CTNND2: variants seen among roughly 807,000 people sequenced by gnomAD.
The protein encoded by CTNND2 is catenin delta 2.
CTNND2 carries 22 observed loss-of-function variants against 144.4 expected under a neutral mutation model. The ratio of observed to expected loss-of-function variants is 0.15; its 90% CI spans 0.11 to 0.22. The LOEUF (loss-of-function observed/expected upper bound fraction) is 0.22, where lower values mean the gene tolerates loss of function less well. Among genes scored for constraint, CTNND2 ranks in the 10% least tolerant of loss-of-function variants. CTNND2 has a pLI of 1.00. For synonymous variants in CTNND2, 751 were observed against 695.6 expected (o/e 1.08, Z -1.25); for missense variants, 1,353 against 1,618.8 (o/e 0.84, Z 2.82).
chr5:11,556,334 A>G (rs1469350502), intron 3 of CTNND2, among the ~76,000 whole-genome samples: 3 of 152,220 alleles, frequency 2.0e-5, no homozygotes, highest in Non-Finnish European at 2.9e-5. Flanking sequence ...TTATTTAAGC[A>G]AGAATAAATC....
intron 6 of CTNND2, among the ~76,000 whole-genome samples, chr5:11,394,855 C>G (rs32042): frequency 6.6e-6 from 1 of 151,854 alleles, no homozygotes; most frequent in Non-Finnish European, 1.5e-5. Context: ...TTTAAATTTA[C>G]GAACCAGATA....
chr5:11,263,756 A>G (rs372241622), intron 9 of CTNND2, among the ~76,000 whole-genome samples: 5 of 152,248 alleles, frequency 3.3e-5, no homozygotes, highest in African/African-American at 1.2e-4. Flanking sequence ...TTTACAGTTA[A>G]TTTCATCAAA....
intron 16 of CTNND2, among the ~76,000 whole-genome samples, chr5:11,073,485 A>T (rs141005525): frequency 6.6e-6 from 1 of 152,312 alleles, no homozygotes; most frequent in African/African-American, 2.4e-5. Context: ...ATCAACTGGA[A>T]ATGTTTCAGT....
chr5:11,660,893 T>TA (rs1376923719), intron 2 of CTNND2, among the ~76,000 whole-genome samples: 2 of 152,136 alleles, frequency 1.3e-5, no homozygotes, highest in African/African-American at 2.4e-5. Context: ...ACATTTAATT[T>TA]AAAAATCTTG....
Position 11,413,433 on chromosome 5 carries a change from A to G in CTNND2, c.288-1364T>C, listed in dbSNP as rs1277642688. On this transcript the variant is annotated intron_variant, in intron 3 of 21. Coordinates refer to ENST00000304623, the MANE Select transcript of CTNND2 (RefSeq NM_001332.4). Reference sequence around the variant, plus strand: ...AACCATAGTTATCCTGGCTATTTTAATCCTCTAAGAAGTCTATGGATCATT... The same window carrying G: ...AACCATAGTTATCCTGGCTATTTTAGTCCTCTAAGAAGTCTATGGATCATT... Among the ~76,000 whole-genome samples, 3 of 152,338 alleles carry G rather than the reference A, an allele frequency of 2.0e-5. No individual in the cohort carries two copies. The East Asian group carries it at 5.8e-4, about 29-fold the overall frequency.
chr5:10,998,967 C>A (rs1051958721), intron 18 of CTNND2, among the ~76,000 whole-genome samples: 1 of 152,116 alleles, frequency 6.6e-6, no homozygotes, highest in Non-Finnish European at 1.5e-5. Flanking sequence ...GAGCAGCTGC[C>A]AAATGTCATG....
At chr5:11,680,995 G>A (rs1784400508) in intron 2 of CTNND2, among the ~76,000 whole-genome samples, 1 of 152,118 alleles carries the variant, frequency 6.6e-6, no homozygotes, top group African/African-American at 2.4e-5. Context: ...TGGAGATCTA[G>A]AGGATGAGAT....
chr5:11,110,868 G>C lies in CTNND2; in HGVS notation c.2453C>G (p.Ser818Cys). Residue 818 changes from serine to cysteine, a missense_variant, in exon 14 of 22, where the codon TCC becomes TGC. This residue lies in a region of CTNND2 where 459 missense variants were observed against 674.3 expected (regional missense o/e 0.68). Transcript: ENST00000304623. ...CWGKKKKKKK[S>C]QDQWDGVGPL... ...AGCAGCCTGCATCACCTGATCTTGG[G>C]ATTTCTTTTTCTTCTTCTTCTTGCC... The C allele has an allele frequency of 6.2e-6, 10 of 1,612,538 alleles. No homozygotes were observed. The highest frequency in any genetic ancestry group is 1.7e-5 in the Admixed American group (1 of 59,984).
chr5:11,827,477 T>C (rs909436285), intron 1 of CTNND2, among the ~76,000 whole-genome samples: 13 of 151,934 alleles, frequency 8.6e-5, no homozygotes, highest in African/African-American at 2.9e-4. Flanking sequence ...AGGGAAATAA[T>C]AGAAACAAAT....
At chr5:11,370,730 A>G (rs1757398324) in intron 7 of CTNND2, among the ~76,000 whole-genome samples, 1 of 152,200 alleles carries the variant, frequency 6.6e-6, no homozygotes, top group Admixed American at 6.5e-5. Flanking sequence ...ACATACTGCT[A>G]TGTAACTGGT....
At chr5:11,691,873 A>T (rs1784924304) in intron 2 of CTNND2, among the ~76,000 whole-genome samples, 2 of 152,238 alleles carry the variant, frequency 1.3e-5, no homozygotes, top group African/African-American at 4.8e-5. Context: ...TCTAAGGCAA[A>T]GTGAGACCTT....
chr5:11,022,670 T>C, intron 17 of CTNND2, 99 bp downstream of exon 17: 1 of 867,334 alleles, frequency 1.2e-6, no homozygotes, highest in Non-Finnish European at 1.9e-6. Context: ...ACAAATGCTT[T>C]CCAGTGACAG....
At chr5:11,528,485 G>GTCAAAGTAATTGAAATATA (rs1773464873) in intron 3 of CTNND2, among the ~76,000 whole-genome samples, 1 of 152,160 alleles carries the variant, frequency 6.6e-6, no homozygotes, top group African/African-American at 2.4e-5. Flanking sequence ...GTTATCAAAA[G>GTCAAAGTAATTGAAATATA]TCAAAGTAAT....
At chr5:11,725,438 T>G (rs1275450389) in intron 2 of CTNND2, among the ~76,000 whole-genome samples, 1 of 152,234 alleles carries the variant, frequency 6.6e-6, no homozygotes, top group Admixed American at 6.5e-5. Flanking sequence ...TGTATAAATT[T>G]CCCTATTCTC....
intron 2 of CTNND2, among the ~76,000 whole-genome samples, chr5:11,570,137 C>T (rs950343079): frequency 6.6e-6 from 1 of 152,178 alleles, no homozygotes; most frequent in African/African-American, 2.4e-5. Flanking sequence ...AAACCCCAAA[C>T]TCCTCCGATT....
intron 12 of CTNND2, among the ~76,000 whole-genome samples, chr5:11,129,293 T>C (rs1309812932): frequency 1.9e-5 from 1 of 52,978 alleles, no homozygotes; most frequent in African/African-American, 6.5e-5. Context: ...TAAAAATATA[T>C]AATATATATT....
intron 9 of CTNND2, among the ~76,000 whole-genome samples, chr5:11,259,209 C>T (rs907048416): frequency 6.6e-6 from 1 of 152,218 alleles, no homozygotes; most frequent in African/African-American, 2.4e-5. Context: ...AGATTTCAGA[C>T]TTGCTAACTC....
At chr5:11,229,019 T>G (rs1580647919) in intron 10 of CTNND2, among the ~76,000 whole-genome samples, 1 of 152,226 alleles carries the variant, frequency 6.6e-6, no homozygotes, top group Non-Finnish European at 1.5e-5. Flanking sequence ...CCTGTGTAAG[T>G]TTACTATATA....
chr5:11,125,176 G>C (rs368396662), intron 12 of CTNND2, among the ~76,000 whole-genome samples: 4 of 152,146 alleles, frequency 2.6e-5, no homozygotes, highest in African/African-American at 7.2e-5. Context: ...CACTGGGTCT[G>C]CTGACTCCAC....
Sources: allele counts gnomAD v4.1 joint callset (sites outside exome capture counted in the v4.1 genomes callset), GRCh38; gene constraint gnomAD v4.1.1; regional missense constraint gnomAD v4.1.1; transcripts MANE v1.5; gene names NCBI Gene and HGNC (gene_info 2026-07-23, HGNC 2026-07-21).